PEX13: variants seen among roughly 807,000 people sequenced by gnomAD.
PEX13 encodes peroxisomal biogenesis factor 13, also known as peroxisome biogenesis factor 13.
PEX13 carries 28 observed loss-of-function variants against 34.5 expected under a neutral mutation model. That is an observed-to-expected ratio of 0.81 (90% CI 0.60 to 1.11). PEX13 has a LOEUF of 1.11. Ranked by LOEUF, PEX13 falls within the 50% of genes most tolerant of loss-of-function variation. The pLI, the probability that PEX13 is intolerant of heterozygous loss-of-function variation, is 0.00. For synonymous variants in PEX13, 177 were observed against 175.1 expected, an observed-to-expected ratio of 1.01 and a Z score of -0.09; for missense variants, 550 against 491.0, an observed-to-expected ratio of 1.12 and a Z score of -1.13.
intron 2 of PEX13, among the ~76,000 whole-genome samples, chr2:61,035,765 C>G (rs1387565916): frequency 1.3e-5 from 2 of 152,096 alleles, no homozygotes; most frequent in Admixed American, 6.5e-5. Context: ...GGGCGGATCA[C>G]CTGAGGTCGA....
intron 1 of PEX13, among the ~76,000 whole-genome samples, chr2:61,024,042 C>T (rs769240362): frequency 2.0e-5 from 3 of 152,086 alleles, no homozygotes; most frequent in Non-Finnish European, 4.4e-5. Flanking sequence ...AGTGATCTTC[C>T]CACCTAGGTC....
Position 61,020,186 on chromosome 2 carries a change from A to G in PEX13, c.92+2335A>G, listed in dbSNP as rs934246026. 3.9e-5 allele frequency among the ~76,000 whole-genome samples: 6 copies of G among 152,202 alleles called. No individual in the cohort carries two copies. The East Asian group carries it at 1.2e-3, about 29-fold the overall frequency. Reference sequence around the variant, plus strand: ...GCTTGCAGTGAGCCAAGATCACGCCACTGCACTGCAGCCTGGGCAACAGAG... The same window carrying G: ...GCTTGCAGTGAGCCAAGATCACGCCGCTGCACTGCAGCCTGGGCAACAGAG... On this transcript the variant is annotated intron_variant, in intron 1 of 3. Transcript: ENST00000295030.
At chr2:61,019,197 CAAT>C (rs1294886111) in intron 1 of PEX13, 1 of 151,872 alleles carries the variant, frequency 6.6e-6, no homozygotes, top group Non-Finnish European at 1.5e-5. Flanking sequence ...AACAATGTAA[CAAT>C]AATATATATT....
chr2:61,027,349 AAAAC>A (rs1355187397), intron 1 of PEX13, among the ~76,000 whole-genome samples: 1 of 151,010 alleles, frequency 6.6e-6, no homozygotes, highest in African/African-American at 2.4e-5. Context: ...AAAAAAAAAA[AAAAC>A]AAAACACACA....
At chr2:61,018,159 C>T in intron 1 of PEX13, 1 of 1,550,744 alleles carries the variant, frequency 6.4e-7, no homozygotes, top group South Asian at 1.2e-5. Flanking sequence ...TTCACTTTGA[C>T]AGAATGGCTT....
chr2:61,022,497 A>T lies in PEX13; in HGVS notation c.92+4646A>T, dbSNP rs148745074. Among the ~76,000 whole-genome samples the T allele has an allele frequency of 2.7e-3, 408 of 152,342 alleles. 2 individuals are homozygous for T. Among genetic ancestry groups the T allele is most frequent in the African/African-American group, 8.3e-3 (345 of 41,586 alleles). On this transcript the variant is annotated intron_variant, in intron 1 of 3. Coordinates refer to ENST00000295030, the MANE Select transcript of PEX13 (RefSeq NM_002618.4). ...ATTAGAGAAAATGTTTATTGTATCA[A>T]CCTTCTATTGTTGAACCATCCTTGC...
At chr2:61,024,150 C>G (rs1680312472) in intron 1 of PEX13, among the ~76,000 whole-genome samples, 2 of 152,168 alleles carry the variant, frequency 1.3e-5, no homozygotes, top group South Asian at 4.1e-4. Flanking sequence ...CACCCCTGAT[C>G]TGGTTGCTTT....
chr2:61,028,367 T>G (rs1273000760), intron 1 of PEX13, among the ~76,000 whole-genome samples: 1 of 151,386 alleles, frequency 6.6e-6, no homozygotes, highest in African/African-American at 2.4e-5. Flanking sequence ...AACACAAATC[T>G]GGGGGTAGGA....
chr2:61,037,466 A>T (rs1323593540), intron 2 of PEX13, among the ~76,000 whole-genome samples: 1 of 152,192 alleles, frequency 6.6e-6, no homozygotes, highest in African/African-American at 2.4e-5. Flanking sequence ...ATTAATAAAC[A>T]CTCAAAACCA....
intron 3 of PEX13, among the ~76,000 whole-genome samples, chr2:61,046,913 C>T (rs944982235): frequency 6.6e-6 from 1 of 152,024 alleles, no homozygotes; most frequent in Admixed American, 6.6e-5. Context: ...AAATCTTTGC[C>T]TCATCCCTTT....
rs1680353857 is a variant in PEX13, at chr2:61,026,336, T to A, written c.93-5083T>A. Among the ~76,000 whole-genome samples, 4 of 145,996 alleles carry A rather than the reference T, an allele frequency of 2.7e-5. 1 individual carries two copies. The South Asian group carries it at 8.5e-4, about 31-fold the overall frequency. On this transcript the variant is annotated intron_variant, in intron 1 of 3. Transcript: ENST00000295030. Reference sequence around the variant, plus strand: ...GGTTCCAGTGGCTGTGGCCACCTTTTCTTTTTTCTTTTTTTTTTTTTTTTT... The same window carrying A: ...GGTTCCAGTGGCTGTGGCCACCTTTACTTTTTTCTTTTTTTTTTTTTTTTT...
chr2:61,032,083 C>G lies in PEX13; in HGVS notation c.757C>G (p.Leu253Val). 1 of 1,613,536 alleles carries G rather than the reference C, an allele frequency of 6.2e-7. No individual in the cohort carries two copies. Reference protein sequence around the residue: ...ILGGPYLIWKLLSTHSDEVTD... With the variant: ...ILGGPYLIWKVLSTHSDEVTD... ...TGGTGGTCCTTACCTCATTTGGAAA[C>G]TATTGTCTACTCACAGTGATGAAGT... is the stretch of plus-strand genomic sequence containing the variant. Residue 253 changes from leucine to valine, a missense_variant, in exon 2 of 4, where the codon CTA becomes GTA. By Grantham distance (32) the Leu-to-Val change is conservative. Coordinates refer to ENST00000295030, the MANE Select transcript of PEX13 (RefSeq NM_002618.4).
At chr2:61,043,539 A>C (rs954061560) in intron 2 of PEX13, among the ~76,000 whole-genome samples, 1 of 152,202 alleles carries the variant, frequency 6.6e-6, no homozygotes, top group Non-Finnish European at 1.5e-5. Context: ...TGCACCTGAT[A>C]ATGGTGAAAA....
chr2:61,047,880 C>T (rs1052718060), intron 3 of PEX13, among the ~76,000 whole-genome samples: 4 of 152,158 alleles, frequency 2.6e-5, no homozygotes, highest in Non-Finnish European at 4.4e-5. Flanking sequence ...AAATTGAGTA[C>T]ATTAAATAAT....
chr2:61,021,920 C>G (rs1680271221), intron 1 of PEX13, among the ~76,000 whole-genome samples: 1 of 152,186 alleles, frequency 6.6e-6, no homozygotes, highest in Non-Finnish European at 1.5e-5. Context: ...CTCCAACAGA[C>G]CTGCAGCTGA....
rs1680771260 is a variant in PEX13, at chr2:61,050,116, C to T, written c.*1346C>T. ...ATTTAGAATATGATAATCCTCATGCCTTTAATCTCAGCACTTTGGGAGGCC... is the reference window on the plus strand; with the variant it reads ...ATTTAGAATATGATAATCCTCATGCTTTTAATCTCAGCACTTTGGGAGGCC... On this transcript the variant is annotated 3_prime_UTR_variant, in exon 4 of 4. Coordinates refer to ENST00000295030, the MANE Select transcript of PEX13 (RefSeq NM_002618.4). The T allele has an allele frequency of 6.6e-6, 1 of 152,258 alleles. No homozygotes were observed. Among genetic ancestry groups the T allele is most frequent in the African/African-American group, 2.4e-5 (1 of 41,396 alleles). 9.4% of individuals were successfully genotyped at this position (152,258 alleles called of 1,614,324 possible). A position where few individuals can be genotyped will look rare whatever the true frequency, so the allele number is the denominator to read the frequency against.
intron 2 of PEX13, among the ~76,000 whole-genome samples, chr2:61,035,933 A>T (rs1680527475): frequency 6.6e-6 from 1 of 151,878 alleles, no homozygotes; most frequent in Non-Finnish European, 1.5e-5. Flanking sequence ...CAGGGAGCCA[A>T]GATCACACCA....
At chr2:61,026,151 A>G (rs900266314) in intron 1 of PEX13, among the ~76,000 whole-genome samples, 1 of 151,876 alleles carries the variant, frequency 6.6e-6, no homozygotes, top group South Asian at 2.1e-4. Context: ...AATGCTTTAA[A>G]CAGAATTCCT....
At chr2:61,030,198 A>G (rs1454201983) in intron 1 of PEX13, among the ~76,000 whole-genome samples, 3 of 152,166 alleles carry the variant, frequency 2.0e-5, no homozygotes, top group Admixed American at 6.5e-5. Context: ...TTTACCATAG[A>G]TCCTCATTAT....
Sources: gnomAD v4.1 joint callset for allele counts (sites outside exome capture counted in the v4.1 genomes callset) on GRCh38, gnomAD v4.1.1 for gene constraint, MANE v1.5 for transcripts, NCBI Gene and HGNC (gene_info 2026-07-23, HGNC 2026-07-21) for gene names.